TENM3: variants seen among roughly 807,000 people sequenced by gnomAD.
The protein encoded by TENM3 is teneurin transmembrane protein 3.
A neutral mutation model predicts 255.1 loss-of-function variants in TENM3; 63 were observed. That is an observed-to-expected ratio of 0.25 (90% confidence interval 0.20 to 0.30). TENM3 has a LOEUF of 0.30. Among genes scored for constraint, TENM3 ranks in the 10% least tolerant of loss-of-function variants. TENM3 has a pLI of 1.00. For missense variants in TENM3, 2,929 were observed against 3,461.1 expected (o/e 0.85, Z 3.86); for synonymous variants, 1,306 against 1,322.3 (o/e 0.99, Z 0.27).
the TENM3 span, among the ~76,000 whole-genome samples, chr4:182,034,170 A>G: frequency 6.6e-6 from 1 of 152,188 alleles, no homozygotes; most frequent in African/African-American, 2.4e-5. Context: ...TACTACGACA[A>G]GAACAGCATG....
At chr4:181,907,435 T>G in the TENM3 span, among the ~76,000 whole-genome samples, 1 of 152,094 alleles carries the variant, frequency 6.6e-6, no homozygotes. Context: ...CCCAAGATTT[T>G]CAATGTTAGG....
At chr4:182,637,414 G>A (rs957309132) in intron 5 of TENM3, among the ~76,000 whole-genome samples, 2 of 152,124 alleles carry the variant, frequency 1.3e-5, no homozygotes, top group African/African-American at 4.8e-5. Flanking sequence ...ACAGCTTTCT[G>A]GGAGGCTGAG....
At chr4:181,616,928 C>G in the TENM3 span, among the ~76,000 whole-genome samples, 1 of 152,180 alleles carries the variant, frequency 6.6e-6, no homozygotes, top group African/African-American at 2.4e-5. Flanking sequence ...CATGGACATA[C>G]TCGTAAATAA....
the TENM3 span, among the ~76,000 whole-genome samples, chr4:181,772,009 GATTA>G: frequency 4.6e-5 from 7 of 152,156 alleles, no homozygotes; most frequent in African/African-American, 1.2e-4. Context: ...TTAAAGATCA[GATTA>G]ATTATGTAAA....
At chr4:182,222,975 C>T (rs1755933266) in intron 1 of TENM3, among the ~76,000 whole-genome samples, 1 of 152,128 alleles carries the variant, frequency 6.6e-6, no homozygotes, top group African/African-American at 2.4e-5. Context: ...ATCTTCTGGA[C>T]CTCACCTGAC....
chr4:182,064,470 CT>C, the TENM3 span, among the ~76,000 whole-genome samples: 1 of 151,958 alleles, frequency 6.6e-6, no homozygotes, highest in Non-Finnish European at 1.5e-5. Flanking sequence ...CCCAGCTACT[CT>C]ACTCGGGAGG....
chr4:182,034,267 G>A, the TENM3 span, among the ~76,000 whole-genome samples: 4 of 152,284 alleles, frequency 2.6e-5, no homozygotes, highest in Non-Finnish European at 4.4e-5. Flanking sequence ...TGAGATTTGG[G>A]TGGGGACACA....
chr4:182,401,623 A>G (rs1323017438), intron 3 of TENM3, among the ~76,000 whole-genome samples: 1 of 152,134 alleles, frequency 6.6e-6, no homozygotes. Context: ...TTTCAGGTCC[A>G]CAGATGAGTA....
intron 1 of TENM3, among the ~76,000 whole-genome samples, chr4:182,252,356 T>C (rs993677136): frequency 6.6e-6 from 1 of 152,158 alleles, no homozygotes; most frequent in Non-Finnish European, 1.5e-5. Context: ...CCATCAGTTG[T>C]ATGCTGCTGT....
chr4:182,033,817 G>C, the TENM3 span, among the ~76,000 whole-genome samples: 1 of 151,980 alleles, frequency 6.6e-6, no homozygotes, highest in Non-Finnish European at 1.5e-5. Context: ...TTTGATCTTT[G>C]TTGGTTTAAA....
chr4:182,623,592 A>C (rs1461992316), intron 4 of TENM3, among the ~76,000 whole-genome samples: 1 of 151,838 alleles, frequency 6.6e-6, no homozygotes, highest in Non-Finnish European at 1.5e-5. Flanking sequence ...GGCCTTCCAA[A>C]GTGCTGGGAT....
At chr4:182,454,087 C>G (rs62337161) in intron 3 of TENM3, among the ~76,000 whole-genome samples, 1 of 151,970 alleles carries the variant, frequency 6.6e-6, no homozygotes, top group East Asian at 1.9e-4. Flanking sequence ...TTTGTGAGGT[C>G]GAAGTCAGAT....
the TENM3 span, among the ~76,000 whole-genome samples, chr4:181,486,188 A>G: frequency 0.014 from 2,097 of 152,246 alleles, 47 homozygotes; most frequent in African/African-American, 0.048. Flanking sequence ...CAGGAAAGCA[A>G]TACACACCAG....
At chr4:181,997,636 C>T in the TENM3 span, among the ~76,000 whole-genome samples, 3 of 152,122 alleles carry the variant, frequency 2.0e-5, no homozygotes, top group East Asian at 1.9e-4. Flanking sequence ...TAGAATGTGT[C>T]GCTGAGATAA....
At chr4:182,429,010 GT>G (rs950140090) in intron 3 of TENM3, among the ~76,000 whole-genome samples, 25 of 152,212 alleles carry the variant, frequency 1.6e-4, no homozygotes, top group African/African-American at 5.3e-4. Flanking sequence ...AAATATCTTT[GT>G]TTGTCTATTG....
chr4:181,936,378 G>C, the TENM3 span, among the ~76,000 whole-genome samples: 1 of 152,300 alleles, frequency 6.6e-6, no homozygotes, highest in East Asian at 1.9e-4. Context: ...CTGGGCGACA[G>C]GGTGAGACTC....
chr4:182,515,267 G>A (rs769023951), intron 3 of TENM3, among the ~76,000 whole-genome samples: 50 of 152,178 alleles, frequency 3.3e-4, no homozygotes, highest in Non-Finnish European at 6.2e-4. Context: ...GTCACTAAGT[G>A]AGGCGCAGAA....
chr4:182,509,035 T>C (rs2151704193), intron 3 of TENM3, among the ~76,000 whole-genome samples: 1 of 152,350 alleles, frequency 6.6e-6, no homozygotes, highest in Non-Finnish European at 1.5e-5. Flanking sequence ...AATTGTGATG[T>C]GACTAAATTG....
At chr4:181,605,544 A>G in the TENM3 span, among the ~76,000 whole-genome samples, 1,504 of 32,694 alleles carry the variant, frequency 0.046, 171 homozygotes, top group African/African-American at 0.057. Flanking sequence ...GAAAGAAAGA[A>G]AGAAAGAAAG....
Sources: gnomAD v4.1 joint callset for allele counts (sites outside exome capture counted in the v4.1 genomes callset) on GRCh38, gnomAD v4.1.1 for gene constraint, MANE v1.5 for transcripts, NCBI Gene and HGNC (gene_info 2026-07-23, HGNC 2026-07-21) for gene names.